The following ESRRG variants were observed in gnomAD, a reference collection of about 807,000 sequenced individuals.
ESRRG encodes estrogen-related receptor gamma.
A neutral mutation model predicts 44.0 loss-of-function variants in ESRRG; 13 were observed. The ratio of observed to expected loss-of-function variants is 0.30; its 90% CI spans 0.19 to 0.47. The LOEUF is 0.47. Ranked by LOEUF, ESRRG falls within the 20% of genes least tolerant of loss-of-function variation. The pLI is 1.00. For missense variants in ESRRG, 395 were observed against 580.6 expected (o/e 0.68, Z 3.29); for synonymous variants, 215 against 214.6 (o/e 1.00, Z -0.02).
Position 216,773,122 on chromosome 1 carries a change from A to G in ESRRG, c.-13-95631T>C, listed in dbSNP as rs558990700. ...TCAAGGCATGAAAGAAATCTTAACC[A>G]AAGAATCTCAATCAAGTAAAGGAAA... On this transcript the variant is annotated intron_variant, in intron 2 of 7. Coordinates refer to the ESRRG transcript ENST00000359162. Among the ~76,000 whole-genome samples, 220 of 152,208 alleles carry G rather than the reference A, an allele frequency of 1.4e-3. 2 individuals carry two copies. Among genetic ancestry groups the G allele is most frequent in the African/African-American group, 5.1e-3 (211 of 41,550 alleles).
At chr1:216,693,348 T>C (rs2151761788) in intron 1 of ESRRG, among the ~76,000 whole-genome samples, 1 of 152,328 alleles carries the variant, frequency 6.6e-6, no homozygotes, top group East Asian at 1.9e-4. Context: ...GCCAGGTTGG[T>C]CTTGAACTCT....
intron 1 of ESRRG, among the ~76,000 whole-genome samples, chr1:217,099,552 G>C (rs2092475966): frequency 6.6e-6 from 1 of 152,156 alleles, no homozygotes; most frequent in Non-Finnish European, 1.5e-5. Flanking sequence ...CATCAGCCCA[G>C]GATGCTATTT....
intron 2 of ESRRG, among the ~76,000 whole-genome samples, chr1:216,936,119 A>C (rs1308133483): frequency 2.0e-5 from 3 of 152,120 alleles, no homozygotes; most frequent in African/African-American, 7.2e-5. Context: ...ACTCCTGTCA[A>C]ACAGGAAATT....
intron 3 of ESRRG, among the ~76,000 whole-genome samples, chr1:216,650,585 C>T (rs1162555002): frequency 6.6e-6 from 1 of 151,840 alleles, no homozygotes; most frequent in African/African-American, 2.4e-5. Flanking sequence ...ACAAAGAGTG[C>T]TTTAAACCCA....
chr1:217,010,191 A>T (rs1202135132), intron 1 of ESRRG, among the ~76,000 whole-genome samples: 1 of 152,010 alleles, frequency 6.6e-6, no homozygotes, highest in South Asian at 2.1e-4. Flanking sequence ...AGATGTAGTC[A>T]TTAACACAAT....
In ESRRG at chr1:216,564,323, G is replaced by A. The variant is rs1400967760; in HGVS notation, c.758C>T (p.Pro253Leu). Residue 253 changes from proline (P) to leucine (L), a missense_variant, in exon 5 of 7, where the codon CCT becomes CTT. This residue lies in a region of ESRRG where 167 missense variants were observed against 251.8 expected (regional missense o/e 0.66). Coordinates refer to ENST00000408911, the MANE Select transcript of ESRRG (RefSeq NM_001438.4). ...VAEPEKIYAMPDPTVPDSDIK... is the reference protein window; with the variant it reads ...VAEPEKIYAMLDPTVPDSDIK... ...GTCACTGTCGGGGACAGTAGGGTCA[G>A]GCATGGCATAGATCTTCTCCGGTTC... The A allele has an allele frequency of 6.2e-7, 1 of 1,611,584 alleles. No homozygotes were observed. Among genetic ancestry groups the A allele is most frequent in the Non-Finnish European group, 8.5e-7 (1 of 1,178,636 alleles).
intron 1 of ESRRG, among the ~76,000 whole-genome samples, chr1:217,088,162 G>A (rs1272143052): frequency 1.3e-5 from 2 of 151,988 alleles, no homozygotes; most frequent in Non-Finnish European, 2.9e-5. Context: ...CTGAATTTGG[G>A]CATTTTCCAA....
At chr1:216,948,285 G>A (rs1052771007) in intron 1 of ESRRG, among the ~76,000 whole-genome samples, 1 of 151,794 alleles carries the variant, frequency 6.6e-6, no homozygotes. Flanking sequence ...GGCCAGGCAT[G>A]GTGGCTCATG....
At chr1:216,840,401 G>A (rs543267955) in intron 2 of ESRRG, among the ~76,000 whole-genome samples, 2 of 152,298 alleles carry the variant, frequency 1.3e-5, no homozygotes, top group African/African-American at 4.8e-5. Flanking sequence ...TGGCTTAAGG[G>A]AATGTTGTGG....
At chr1:216,955,366 A>T (rs1027680694) in intron 1 of ESRRG, among the ~76,000 whole-genome samples, 2 of 152,222 alleles carry the variant, frequency 1.3e-5, no homozygotes, top group Non-Finnish European at 2.9e-5. Context: ...GTGAATGACA[A>T]AAATCTCATT....
At chr1:216,738,728 AC>A (rs1381933363) in intron 2 of ESRRG, among the ~76,000 whole-genome samples, 2 of 152,170 alleles carry the variant, frequency 1.3e-5, no homozygotes, top group Non-Finnish European at 1.5e-5. Context: ...GCACTTATAA[AC>A]AAAAAAAATT....
intron 2 of ESRRG, among the ~76,000 whole-genome samples, chr1:216,879,935 T>G (rs1003224137): frequency 1.3e-5 from 2 of 152,224 alleles, no homozygotes; most frequent in Non-Finnish European, 2.9e-5. Flanking sequence ...AACTATATAG[T>G]TGTTCATCTT....
intron 2 of ESRRG, among the ~76,000 whole-genome samples, chr1:216,871,660 A>T (rs2096261751): frequency 6.6e-6 from 1 of 152,022 alleles, no homozygotes; most frequent in Non-Finnish European, 1.5e-5. Context: ...GTGCACATTT[A>T]GAATTGTTAC....
At chr1:216,570,629 T>G (rs2060611469) in intron 3 of ESRRG, among the ~76,000 whole-genome samples, 1 of 152,192 alleles carries the variant, frequency 6.6e-6, no homozygotes, top group South Asian at 2.1e-4. Context: ...CAAAAGCATA[T>G]GACACTAATT....
intron 4 of ESRRG, among the ~76,000 whole-genome samples, chr1:216,567,309 G>A (rs2059851831): frequency 6.6e-6 from 1 of 152,058 alleles, no homozygotes; most frequent in African/African-American, 2.4e-5. Context: ...TTTCGTTAAT[G>A]ACAAAAAGAA....
chr1:217,003,838 T>C (rs2077381449), intron 1 of ESRRG, among the ~76,000 whole-genome samples: 1 of 151,648 alleles, frequency 6.6e-6, no homozygotes, highest in Non-Finnish European at 1.5e-5. Context: ...GTAATTTCAA[T>C]GTCCAGATGA....
intron 3 of ESRRG, among the ~76,000 whole-genome samples, chr1:216,615,951 G>T (rs1360091473): frequency 6.6e-6 from 1 of 152,104 alleles, no homozygotes; most frequent in East Asian, 1.9e-4. Context: ...CTCCCAAAGT[G>T]CTGGGATTAC....
chr1:216,846,397 T>G (rs1160267273), intron 2 of ESRRG, among the ~76,000 whole-genome samples: 2 of 152,142 alleles, frequency 1.3e-5, no homozygotes, highest in Non-Finnish European at 2.9e-5. Flanking sequence ...TTGGCAAACT[T>G]TTCTGTAGAG....
At chr1:216,717,327 G>A (rs1401706230) in intron 1 of ESRRG, among the ~76,000 whole-genome samples, 2 of 151,772 alleles carry the variant, frequency 1.3e-5, no homozygotes, top group Admixed American at 1.3e-4. Flanking sequence ...AGATGTGTGT[G>A]CTAAAACTCT....
Sources: allele counts gnomAD v4.1 joint callset (sites outside exome capture counted in the v4.1 genomes callset), GRCh38; gene constraint gnomAD v4.1.1; regional missense constraint gnomAD v4.1.1; transcripts MANE v1.5; gene names NCBI Gene and HGNC (gene_info 2026-07-23, HGNC 2026-07-21).